PRKAR1B: variants seen among roughly 807,000 people sequenced by gnomAD.
PRKAR1B encodes the protein protein kinase cAMP-dependent type I regulatory subunit beta.
In PRKAR1B, 22 loss-of-function variants were observed where a neutral mutation model predicts 46.5. The ratio of observed to expected loss-of-function variants is 0.47; its 90% confidence interval spans 0.34 to 0.68. The LOEUF (loss-of-function observed/expected upper bound fraction) is 0.68. Ranked by LOEUF, PRKAR1B falls within the 30% of genes least tolerant of loss-of-function variation. The pLI is 0.01. For synonymous variants in PRKAR1B, 259 were observed against 217.7 expected (o/e 1.19, Z -1.67); for missense variants, 445 against 535.6 (o/e 0.83, Z 1.67).
chr7:568,128 C>CA (rs1481254652), intron 9 of PRKAR1B, among the ~76,000 whole-genome samples: 1 of 152,212 alleles, frequency 6.6e-6, no homozygotes, highest in East Asian at 1.9e-4. Flanking sequence ...GGCCTCAGCT[C>CA]ATACTGCCTC....
intron 7 of PRKAR1B, among the ~76,000 whole-genome samples, chr7:591,602 C>T (rs1780982771): frequency 6.6e-6 from 1 of 152,204 alleles, no homozygotes; most frequent in Admixed American, 6.5e-5. Context: ...ATAATTCCAG[C>T]ACTCTGGGAG....
intron 2 of PRKAR1B, among the ~76,000 whole-genome samples, chr7:706,692 T>G (rs979725989): frequency 6.6e-6 from 1 of 151,422 alleles, no homozygotes; most frequent in East Asian, 1.9e-4. Context: ...CCCAAAGTGC[T>G]GGGATTACAG....
At chr7:728,765 G>C (rs1781455238), upstream of PRKAR1B, among the ~76,000 whole-genome samples, 2 of 152,148 alleles carry the variant, frequency 1.3e-5, no homozygotes. Flanking sequence ...GTTGCTGTGG[G>C]GTGAGGGACT....
At chr7:635,400 G>C (rs890927180) in intron 4 of PRKAR1B, among the ~76,000 whole-genome samples, 2 of 152,228 alleles carry the variant, frequency 1.3e-5, no homozygotes, top group African/African-American at 4.8e-5. Flanking sequence ...GGTCAGAGCA[G>C]CAGGCCTGGG....
intron 4 of PRKAR1B, among the ~76,000 whole-genome samples, chr7:676,852 A>G (rs1158418642): frequency 1.3e-5 from 2 of 151,104 alleles, no homozygotes; most frequent in East Asian, 3.9e-4. Flanking sequence ...GGTGGTGGTG[A>G]TTCCCGGGCA....
intron 2 of PRKAR1B, among the ~76,000 whole-genome samples, chr7:701,277 A>G (rs1371183717): frequency 6.7e-6 from 1 of 149,858 alleles, no homozygotes; most frequent in Non-Finnish European, 1.5e-5. Context: ...AAAAAGAAAG[A>G]AAGAAAGAGA....
chr7:576,732 T>C (rs975758166), intron 9 of PRKAR1B, among the ~76,000 whole-genome samples: 6 of 151,702 alleles, frequency 4.0e-5, no homozygotes, highest in Non-Finnish European at 8.8e-5. Flanking sequence ...TCTCCTGCTC[T>C]ACCCCAGCCT....
At chr7:583,911 C>T (rs1305862653) in intron 8 of PRKAR1B, among the ~76,000 whole-genome samples, 1 of 152,230 alleles carries the variant, frequency 6.6e-6, no homozygotes, top group African/African-American at 2.4e-5. Flanking sequence ...GCCCAGCTGG[C>T]GCCATCGCGT....
At position 680,872 on chromosome 7, in the gene PRKAR1B, G is replaced by A. The variant is rs1360462053; in HGVS notation, c.178-146C>T. On this transcript the variant is annotated intron_variant, in intron 2 of 10. Coordinates refer to ENST00000537384, the MANE Select transcript of PRKAR1B (RefSeq NM_001164760.2). Reference sequence around the variant, plus strand: ...GGAGTTGGACATACGGTTAGGCTTTGTGTCCCCACCCAAATCTCTTTTTCT... The same window carrying A: ...GGAGTTGGACATACGGTTAGGCTTTATGTCCCCACCCAAATCTCTTTTTCT... 5.5e-6 allele frequency: 5 copies of A among 909,108 alleles called. No homozygotes were observed. In the East Asian group the frequency reaches 8.9e-5, roughly 16 times the overall value. 56.3% of individuals were successfully genotyped at this position (909,108 alleles called of 1,614,324 possible).
chr7:583,396 C>T (rs563873497), intron 8 of PRKAR1B, among the ~76,000 whole-genome samples: 1 of 149,602 alleles, frequency 6.7e-6, no homozygotes, highest in East Asian at 2.0e-4. Flanking sequence ...CACTCACACC[C>T]CCCACACGTG....
chr7:662,585 C>T (rs1353954333), intron 4 of PRKAR1B, among the ~76,000 whole-genome samples: 2 of 149,856 alleles, frequency 1.3e-5, no homozygotes, highest in East Asian at 4.0e-4. Flanking sequence ...ACCTACTCTC[C>T]CCCCCATAGC....
chr7:626,543 G>A (rs1783414355), intron 4 of PRKAR1B, among the ~76,000 whole-genome samples: 1 of 152,140 alleles, frequency 6.6e-6, no homozygotes, highest in African/African-American at 2.4e-5. Flanking sequence ...AAGCACAGAT[G>A]TGTTCACTAG....
chr7:709,730 T>C (rs1047160695), intron 2 of PRKAR1B, among the ~76,000 whole-genome samples: 3 of 152,098 alleles, frequency 2.0e-5, no homozygotes, highest in African/African-American at 7.2e-5. Flanking sequence ...TGCAGTGGTG[T>C]GATCATGGTT....
intron 4 of PRKAR1B, among the ~76,000 whole-genome samples, chr7:641,587 A>C (rs1226063277): frequency 6.6e-6 from 1 of 152,184 alleles, no homozygotes; most frequent in Non-Finnish European, 1.5e-5. Context: ...ACAACAACCC[A>C]CAGGTCCATG....
rs982427132 is a variant in PRKAR1B at position 655,924 on chromosome 7, G to A, written c.440+21305C>T. On this transcript the variant is annotated intron_variant, in intron 4 of 10. Coordinates refer to ENST00000537384, the MANE Select transcript of PRKAR1B (RefSeq NM_001164760.2). ...GGAGTTACATGAGACAGCATGTGAG[G>A]CTGCTCTCTGGGATACAAGGTCTGC... Among the ~76,000 whole-genome samples, 98 of 150,658 alleles carry A rather than the reference G, an allele frequency of 6.5e-4. 2 individuals are homozygous for A. The highest frequency in any genetic ancestry group is 8.9e-5 in the Non-Finnish European group (6 of 67,288).
chr7:575,016 G>A (rs528087484), intron 9 of PRKAR1B, among the ~76,000 whole-genome samples: 193 of 152,352 alleles, frequency 1.3e-3, no homozygotes, highest in Non-Finnish European at 2.2e-3. Context: ...CTCTACTGAC[G>A]TACTAATTTC....
intron 1 of PRKAR1B, among the ~76,000 whole-genome samples, chr7:721,407 G>A (rs900931962): frequency 6.6e-6 from 1 of 152,154 alleles, no homozygotes; most frequent in Non-Finnish European, 1.5e-5. Context: ...AGCACTTTGG[G>A]GGGCATTGAG....
At chr7:613,887 G>A (rs1372690407) in intron 4 of PRKAR1B, among the ~76,000 whole-genome samples, 1 of 152,364 alleles carries the variant, frequency 6.6e-6, no homozygotes, top group East Asian at 1.9e-4. Flanking sequence ...GACCTCTCCC[G>A]GCCCCAGGAC....
intron 4 of PRKAR1B, among the ~76,000 whole-genome samples, chr7:624,289 C>G (rs1783263433): frequency 6.6e-6 from 1 of 152,162 alleles, no homozygotes; most frequent in Non-Finnish European, 1.5e-5. Flanking sequence ...AAACATTAGC[C>G]AGGCTTGGTG....
Sources: allele counts gnomAD v4.1 joint callset (sites outside exome capture counted in the v4.1 genomes callset), GRCh38; gene constraint gnomAD v4.1.1; transcripts MANE v1.5; gene names NCBI Gene and HGNC (gene_info 2026-07-23, HGNC 2026-07-21).